Variants in WDFY1 observed in about 807,000 individuals in gnomAD.
WDFY1 encodes WD repeat and FYVE domain-containing protein 1.
In WDFY1, 32 loss-of-function variants were observed where a neutral mutation model predicts 56.4. The observed-to-expected ratio is 0.57, with a 90% CI of 0.43 to 0.76. The LOEUF is 0.76. WDFY1 is among the 30% of genes least tolerant of loss of function. The pLI, the probability that WDFY1 is intolerant of heterozygous loss-of-function variation, is 0.00. For synonymous variants in WDFY1, 192 were observed against 197.3 expected (o/e 0.97, Z 0.23); for missense variants, 480 against 545.7 (o/e 0.88, Z 1.20).
chr2:223,881,873 T>C, intron 10 of WDFY1, 69 bp downstream of exon 10: 1 of 1,575,630 alleles, frequency 6.3e-7, no homozygotes, highest in Non-Finnish European at 8.6e-7. Flanking sequence ...TCTGAAGCTC[T>C]TCACATTTCA....
At chr2:223,904,672 G>A (rs1037153630) in intron 4 of WDFY1, among the ~76,000 whole-genome samples, 1 of 151,144 alleles carries the variant, frequency 6.6e-6, no homozygotes, top group African/African-American at 2.4e-5. Context: ...CAACACATAC[G>A]TAAAACATCT....
chr2:223,889,670 T>C (rs1008681530), intron 8 of WDFY1, among the ~76,000 whole-genome samples: 1 of 152,210 alleles, frequency 6.6e-6, no homozygotes, highest in Admixed American at 6.5e-5. Flanking sequence ...TTAAACCTCT[T>C]TCCTTTATAA....
chr2:223,903,696 G>A (rs1693546854), intron 4 of WDFY1, among the ~76,000 whole-genome samples: 1 of 149,182 alleles, frequency 6.7e-6, no homozygotes, highest in African/African-American at 2.5e-5. Context: ...TGTTGCCCAG[G>A]CTGGAGTACA....
chr2:223,944,980 G>A (rs1002140178), intron 1 of WDFY1, among the ~76,000 whole-genome samples, 168 bp downstream of exon 1: 20 of 152,166 alleles, frequency 1.3e-4, no homozygotes, highest in African/African-American at 4.3e-4. Flanking sequence ...CTGGAGGACC[G>A]GCGGGAGGGA....
chr2:223,880,080 A>G (rs1389974904), intron 11 of WDFY1, 44 bp downstream of exon 11: 1 of 1,508,552 alleles, frequency 6.6e-7, no homozygotes, highest in East Asian at 2.3e-5. Context: ...GCATGGTAAT[A>G]GGCAATCTCA....
In WDFY1 at chr2:223,912,325, A is replaced by T. The variant is rs1693718310; in HGVS notation, c.207T>A (p.Ser69=). Residue 69 remains serine, a splice_region_variant and synonymous_variant, in exon 3 of 12, where the codon TCT becomes TCA. Coordinates refer to ENST00000233055, the MANE Select transcript of WDFY1 (RefSeq NM_020830.5). ...GATGGTAAGCCATAGCAGAGCAAGG[A>T]GCTGCCAGAAAGACAAAGACCACAT... ...YWPSIYHTMA[S]PCSAMAYHHD... The T allele has an allele frequency of 6.3e-7, 1 of 1,599,666 alleles. No individual in the cohort carries two copies. The highest frequency in any genetic ancestry group is 1.1e-5 in the South Asian group (1 of 87,882).
chr2:223,924,771 T>G (rs540562452), intron 1 of WDFY1, among the ~76,000 whole-genome samples: 3 of 152,176 alleles, frequency 2.0e-5, no homozygotes, highest in Non-Finnish European at 2.9e-5. Flanking sequence ...TGTTTCAGAT[T>G]AAAATGTTTT....
intron 3 of WDFY1, among the ~76,000 whole-genome samples, chr2:223,910,939 T>C (rs1267821227): frequency 1.3e-5 from 2 of 151,994 alleles, no homozygotes; most frequent in Non-Finnish European, 2.9e-5. Flanking sequence ...TAGAAAAAAA[T>C]ATGTCCATGC....
chr2:223,887,104 A>C (rs114989616), intron 8 of WDFY1, among the ~76,000 whole-genome samples: 4 of 152,186 alleles, frequency 2.6e-5, no homozygotes, highest in African/African-American at 4.8e-5. Flanking sequence ...ATGTGTATCT[A>C]TGTGAGAAAG....
intron 4 of WDFY1, among the ~76,000 whole-genome samples, chr2:223,902,755 A>G (rs1316455520): frequency 6.7e-6 from 1 of 150,190 alleles, no homozygotes; most frequent in Non-Finnish European, 1.5e-5. Context: ...AAATGCAAAT[A>G]TTATTTATAA....
chr2:223,933,156 G>A (rs1285998791), intron 1 of WDFY1, among the ~76,000 whole-genome samples: 1 of 152,054 alleles, frequency 6.6e-6, no homozygotes, highest in Non-Finnish European at 1.5e-5. Flanking sequence ...AATTAGATTG[G>A]CTGAGAAAAA....
chr2:223,917,061 G>A (rs1007767554), intron 2 of WDFY1, among the ~76,000 whole-genome samples: 19 of 152,062 alleles, frequency 1.2e-4, no homozygotes, highest in African/African-American at 4.1e-4. Flanking sequence ...TGATCCGCCC[G>A]CCTTGGCCTC....
In WDFY1 at chr2:223,898,881, T is replaced by C. The variant is rs1693447670; in HGVS notation, c.598+77A>G. On this transcript the variant is annotated intron_variant, in intron 6 of 11. Coordinates refer to ENST00000233055, the MANE Select transcript of WDFY1 (RefSeq NM_020830.5). The stretch of plus-strand genomic sequence containing the variant: ...CAGATCATGAGGAACACAGCATTCA[T>C]GAATCCACATAGTAGAGAACTGAAT... The C allele has an allele frequency of 3.4e-5, 37 of 1,082,200 alleles. No homozygotes were observed. The South Asian group carries it at 4.7e-4, about 14-fold the overall frequency. The allele number at this position is 1,082,200 out of a possible 1,614,324, so 67.0% of individuals were successfully genotyped here.
chr2:223,936,372 T>G (rs1694169255), intron 1 of WDFY1, among the ~76,000 whole-genome samples: 1 of 152,116 alleles, frequency 6.6e-6, no homozygotes, highest in Non-Finnish European at 1.5e-5. Flanking sequence ...CCCAAAGTCC[T>G]TTTACAGACA....
chr2:223,938,804 G>A (rs1325590388), intron 1 of WDFY1, among the ~76,000 whole-genome samples: 2 of 150,754 alleles, frequency 1.3e-5, no homozygotes, highest in Non-Finnish European at 2.9e-5. Context: ...ATGACCCCAG[G>A]TAAATATATC....
chr2:223,910,232 C>T (rs1355820831), intron 3 of WDFY1, among the ~76,000 whole-genome samples: 1 of 152,110 alleles, frequency 6.6e-6, no homozygotes, highest in African/African-American at 2.4e-5. Context: ...GGAACCCCTC[C>T]CTGATACCAC....
At chr2:223,884,854 T>A in intron 8 of WDFY1, 105 bp from the exon 9 acceptor site, 2 of 832,702 alleles carry the variant, frequency 2.4e-6, no homozygotes. Flanking sequence ...AGTATTTCTT[T>A]TCTTCTTTTT....
chr2:223,895,609 C>G lies in WDFY1; in HGVS notation c.620G>C (p.Trp207Ser). Residue 207 changes from tryptophan to serine, a missense_variant, in exon 7 of 12, where the codon TGG becomes TCG. Coordinates refer to ENST00000233055, the MANE Select transcript of WDFY1 (RefSeq NM_020830.5). ...GAAGAGTAACCGCTGAATAGGGTCC[C>G]ACCAGAGGCAGGCGACACTACCTAG... ...GHEGSVACLW[W>S]DPIQRLLFSG... The G allele has an allele frequency of 6.2e-7, 1 of 1,613,944 alleles. No individual in the cohort carries two copies. The highest frequency in any genetic ancestry group is 8.5e-7 in the Non-Finnish European group (1 of 1,179,958).
chr2:223,927,439 T>C (rs1013591753), intron 1 of WDFY1, among the ~76,000 whole-genome samples: 1 of 152,246 alleles, frequency 6.6e-6, no homozygotes, highest in Admixed American at 6.5e-5. Context: ...TGTAGACTGC[T>C]TCTTTCCTTA....
Sources: gnomAD v4.1 joint callset for allele counts (sites outside exome capture counted in the v4.1 genomes callset) on GRCh38, gnomAD v4.1.1 for gene constraint, MANE v1.5 for transcripts, NCBI Gene and HGNC (gene_info 2026-07-23, HGNC 2026-07-21) for gene names.